The following MGRN1 variants were observed in gnomAD, a reference collection of about 807,000 sequenced individuals.
The protein encoded by MGRN1 is mahogunin ring finger 1, also known as E3 ubiquitin-protein ligase MGRN1.
Under a neutral mutation model 69.2 loss-of-function variants are expected in MGRN1, and 29 were observed. The observed-to-expected ratio is 0.42, with a 90% confidence interval of 0.31 to 0.57. The LOEUF is 0.57. MGRN1 is among the 20% of genes least tolerant of loss of function. The pLI is 0.15. For synonymous variants in MGRN1, 470 were observed against 344.2 expected (o/e 1.37, Z -4.04); for missense variants, 998 against 796.2 (o/e 1.25, Z -3.05).
At chr16:4,625,084 C>T (rs1433639604) in intron 1 of MGRN1, 36 bp downstream of exon 1, 3 of 1,490,194 alleles carry the variant, frequency 2.0e-6, no homozygotes, top group African/African-American at 1.5e-5. Context: ...CTGCTAGGCA[C>T]GCGCTGGAAC....
chr16:4,625,525 C>G (rs1182156913), intron 1 of MGRN1, among the ~76,000 whole-genome samples: 1 of 152,192 alleles, frequency 6.6e-6, no homozygotes, highest in Non-Finnish European at 1.5e-5. Flanking sequence ...GACGGAGGCT[C>G]TTGGTGTGTG....
At chr16:4,652,850 G>A (rs370923582) in intron 4 of MGRN1, 26 bp downstream of exon 4, 27 of 1,571,126 alleles carry the variant, frequency 1.7e-5, no homozygotes, top group South Asian at 2.3e-5. Context: ...GGCTGGCACC[G>A]GCCTGGCTGG....
chr16:4,634,607 G>A (rs1166094082), intron 1 of MGRN1: 4 of 152,656 alleles, frequency 2.6e-5, no homozygotes, highest in Non-Finnish European at 5.8e-5. Context: ...CCCTAGGAGG[G>A]GCTGGAAGAG....
intron 11 of MGRN1, among the ~76,000 whole-genome samples, chr16:4,678,277 C>T (rs2079097821): frequency 8.2e-6 from 1 of 122,488 alleles, no homozygotes; most frequent in African/African-American, 2.4e-5. Context: ...GGCCCTGCTT[C>T]AGCAACACAA....
In MGRN1 at chr16:4,688,830, C is replaced by T. The variant is rs376895162; in HGVS notation, c.1653C>T (p.Leu551=). Reference sequence around the variant, plus strand: ...CCTCCATGGAGACGGCCCACGGCCTCGCCACCACCAGCCCCACCTGGCCTC... The same window carrying T: ...CCTCCATGGAGACGGCCCACGGCCTTGCCACCACCAGCCCCACCTGGCCTC... ...RPTSMETAHG[L]ATTSPTWPPL... The change falls in exon 17 of 17, where the codon CTC becomes CTT. Residue 551 remains leucine, a synonymous_variant. Transcript: ENST00000262370. 115 of 1,553,488 alleles carry T rather than the reference C, an allele frequency of 7.4e-5. No homozygotes were observed. Among genetic ancestry groups the T allele is most frequent in the Middle Eastern group, 5.1e-4 (3 of 5,868 alleles).
At chr16:4,652,650 C>T (rs1263080039) in intron 3 of MGRN1, 28 bp from the exon 4 acceptor site, 2 of 1,591,304 alleles carry the variant, frequency 1.3e-6, no homozygotes, top group African/African-American at 1.3e-5. Context: ...CGCTGACCCG[C>T]TGCCTTTCTC....
chr16:4,640,997 C>T (rs1043532557), intron 1 of MGRN1, among the ~76,000 whole-genome samples: 2 of 152,232 alleles, frequency 1.3e-5, no homozygotes, highest in South Asian at 2.1e-4. Context: ...AAGGCGCTGA[C>T]CTCAGCAGGT....
At chr16:4,635,791 C>T (rs552015718) in intron 1 of MGRN1, among the ~76,000 whole-genome samples, 55 of 150,664 alleles carry the variant, frequency 3.7e-4, no homozygotes, top group African/African-American at 1.3e-3. Context: ...CCCACTACCA[C>T]GCCCAGCTAA....
intron 4 of MGRN1, among the ~76,000 whole-genome samples, chr16:4,655,487 A>C (rs1039130872): frequency 6.6e-6 from 1 of 151,416 alleles, no homozygotes; most frequent in African/African-American, 2.4e-5. Flanking sequence ...CTCCAGTGCC[A>C]CTGTCCCCCT....
chr16:4,627,079 C>T (rs1033401815), intron 1 of MGRN1, among the ~76,000 whole-genome samples: 44 of 152,184 alleles, frequency 2.9e-4, no homozygotes, highest in Non-Finnish European at 4.6e-4. Flanking sequence ...ATGAGAACTC[C>T]GTCAGGTCAA....
intron 16 of MGRN1, among the ~76,000 whole-genome samples, 170 bp downstream of exon 16, chr16:4,684,102 GC>G (rs1200185647): frequency 6.6e-6 from 1 of 152,264 alleles, no homozygotes; most frequent in African/African-American, 2.4e-5. Flanking sequence ...CAGGATGCGG[GC>G]CAGGGCCATG....
Position 4,689,652 on chromosome 16 carries a change from A to G in MGRN1, c.*744A>G, listed in dbSNP as rs1466444693. On this transcript the variant is annotated 3_prime_UTR_variant, in exon 17 of 17. Transcript: ENST00000262370. Reference sequence around the variant, plus strand: ...TCCTCCTGGTGCTGGCTTTGGTGACATCACAAGGCCCCTCCAGGTGCAGGG... The same window carrying G: ...TCCTCCTGGTGCTGGCTTTGGTGACGTCACAAGGCCCCTCCAGGTGCAGGG... 2 of 152,202 alleles carry G rather than the reference A, an allele frequency of 1.3e-5. No homozygotes were observed. Among genetic ancestry groups the G allele is most frequent in the African/African-American group, 2.4e-5 (1 of 41,448 alleles). The allele number at this position is 152,202 out of a possible 1,614,324, so 9.4% of individuals were successfully genotyped here.
intron 7 of MGRN1, among the ~76,000 whole-genome samples, chr16:4,665,669 T>C (rs1567212707): frequency 1.4e-5 from 2 of 139,088 alleles, no homozygotes; most frequent in East Asian, 4.1e-4. Flanking sequence ...TGCCCGGCCT[T>C]TTTTTTTTTT....
intron 1 of MGRN1, among the ~76,000 whole-genome samples, chr16:4,648,887 CG>C (rs1434864171): frequency 4.7e-5 from 7 of 150,276 alleles, no homozygotes; most frequent in African/African-American, 1.7e-4. Flanking sequence ...GGACTCTTCC[CG>C]TGGTCACCCG....
At position 4,657,360 on chromosome 16, in the gene MGRN1, C is replaced by A. The variant is rs529922500; in HGVS notation, c.558C>A (p.Asp186Glu). 9.3e-6 allele frequency: 15 copies of A among 1,613,640 alleles called. No homozygotes were observed. In the South Asian group the frequency reaches 1.5e-4, roughly 17 times the overall value. Residue 186 changes from aspartate (D) to glutamate (E), a missense_variant, in exon 5 of 17, where the codon GAC becomes GAA. Transcript: ENST00000262370. ...FKIDFSEWKDDELNFDLDRGV... is the reference protein window; with the variant it reads ...FKIDFSEWKDEELNFDLDRGV... ...TTGACTTCTCGGAATGGAAGGATGA[C>A]GAGGTAATGCTGGCTGGGCGGCTCC...
At chr16:4,643,598 T>A (rs933535288) in intron 1 of MGRN1, among the ~76,000 whole-genome samples, 1 of 151,420 alleles carries the variant, frequency 6.6e-6, no homozygotes. Flanking sequence ...GGTCTCCATC[T>A]CCTGACCTCG....
chr16:4,686,686 G>C, intron 16 of MGRN1: 1 of 1,048,864 alleles, frequency 9.5e-7, no homozygotes, highest in Non-Finnish European at 1.1e-6. Flanking sequence ...CAGCACCGTG[G>C]AGGGAACCCC....
chr16:4,659,784 C>T (rs959573125), intron 5 of MGRN1, among the ~76,000 whole-genome samples: 3 of 152,220 alleles, frequency 2.0e-5, no homozygotes, highest in Non-Finnish European at 4.4e-5. Flanking sequence ...GAAAAGAAAA[C>T]CAGAGACTTA....
intron 3 of MGRN1, 33 bp downstream of exon 3, chr16:4,652,084 C>T (rs746180070): frequency 1.9e-6 from 3 of 1,597,670 alleles, no homozygotes; most frequent in Non-Finnish European, 2.6e-6. Flanking sequence ...GACCCTGTGG[C>T]TCTGTGGGGC....
Sources: allele counts gnomAD v4.1 joint callset (sites outside exome capture counted in the v4.1 genomes callset), GRCh38; gene constraint gnomAD v4.1.1; transcripts MANE v1.5; gene names NCBI Gene and HGNC (gene_info 2026-07-23, HGNC 2026-07-21).